SH3RF2: variants seen among roughly 807,000 people sequenced by gnomAD.
SH3RF2 encodes SH3 domain containing ring finger 2, also known as E3 ubiquitin-protein ligase SH3RF2.
In SH3RF2, 43 loss-of-function variants were observed where a neutral mutation model predicts 59.0. The observed-to-expected ratio is 0.73, with a 90% confidence interval of 0.57 to 0.94. The LOEUF is 0.94. Among genes scored for constraint, SH3RF2 ranks in the 40% least tolerant of loss-of-function variants. The probability of loss-of-function intolerance (pLI) is 0.00; values close to 1 mark genes in which losing one functional copy is unlikely to be tolerated. For missense variants in SH3RF2, 930 were observed against 940.1 expected (o/e 0.99, Z 0.14); for synonymous variants, 391 against 391.5 (o/e 1.00, Z 0.01).
chr5:146,052,883 C>G (rs1405598925), intron 7 of SH3RF2, among the ~76,000 whole-genome samples: 2 of 152,162 alleles, frequency 1.3e-5, no homozygotes, highest in Non-Finnish European at 2.9e-5. Context: ...GCTACATGTG[C>G]TAGGCCCCTT....
At chr5:146,064,842 AAGAAAGAAAGAAAGAAAGAAAG>A (rs1255364625), downstream of SH3RF2, among the ~76,000 whole-genome samples, 751 of 17,002 alleles carry the variant, frequency 0.044, 39 homozygotes, top group Non-Finnish European at 0.26. Context: ...GAAAGAAAGA[AAGAAAGAAAGAAAGAAAGAAAG>A]AGAAAGAAAA....
intron 8 of SH3RF2, among the ~76,000 whole-genome samples, chr5:146,057,657 G>A (rs891728816): frequency 5.9e-5 from 9 of 152,104 alleles, no homozygotes; most frequent in African/African-American, 1.7e-4. Context: ...GTTCATACAC[G>A]GCTGAATGTG....
chr5:145,958,583 G>A (rs140833389), intron 2 of SH3RF2, among the ~76,000 whole-genome samples: 348 of 152,304 alleles, frequency 2.3e-3, no homozygotes, highest in African/African-American at 7.7e-3. Context: ...GGTGCTGAGA[G>A]ATTTAAAGGG....
intron 7 of SH3RF2, chr5:146,055,684 A>C: frequency 2.6e-6 from 1 of 384,312 alleles, no homozygotes; most frequent in Non-Finnish European, 4.7e-6. Flanking sequence ...GGGGTGAGGA[A>C]TGATCAGAAC....
intron 2 of SH3RF2, among the ~76,000 whole-genome samples, chr5:145,957,577 T>G (rs1179349232): frequency 6.6e-6 from 1 of 152,128 alleles, no homozygotes; most frequent in African/African-American, 2.4e-5. Context: ...TCTATTCCCA[T>G]TTTACAGATA....
chr5:146,062,261 A>G (rs531916121), intron 9 of SH3RF2, among the ~76,000 whole-genome samples, 165 bp from the exon 10 acceptor site: 37 of 152,242 alleles, frequency 2.4e-4, no homozygotes, highest in Non-Finnish European at 4.1e-4. Flanking sequence ...GCTCCTCTGC[A>G]TTCTCAGCAT....
chr5:146,039,953 T>C (rs146134303), intron 5 of SH3RF2, among the ~76,000 whole-genome samples: 1 of 152,346 alleles, frequency 6.6e-6, no homozygotes, highest in African/African-American at 2.4e-5. Context: ...GAAAACTTCC[T>C]GTTAAGCAAA....
At chr5:145,997,213 A>C in intron 2 of SH3RF2, 1 of 847,788 alleles carries the variant, frequency 1.2e-6, no homozygotes, top group Non-Finnish European at 2.0e-6. Context: ...TCACCCTGCT[A>C]GTAGATGGGA....
intron 2 of SH3RF2, among the ~76,000 whole-genome samples, chr5:145,992,632 G>A (rs1759988045): frequency 6.6e-6 from 1 of 151,740 alleles, no homozygotes; most frequent in East Asian, 1.9e-4. Context: ...ATCTTACATG[G>A]ATGACAGCAG....
chr5:146,072,606 G>T (rs1368094712), intron 9 of SH3RF2, among the ~76,000 whole-genome samples: 1 of 152,098 alleles, frequency 6.6e-6, no homozygotes, highest in Non-Finnish European at 1.5e-5. Context: ...GGGAGGCAGA[G>T]GTTGCAGTGA....
intron 2 of SH3RF2, among the ~76,000 whole-genome samples, chr5:145,958,155 T>C (rs1052959233): frequency 2.6e-5 from 4 of 151,624 alleles, no homozygotes; most frequent in African/African-American, 9.7e-5. Flanking sequence ...AAAAAACCTG[T>C]GTTTGAATCC....
chr5:146,019,778 A>T (rs997554641), intron 5 of SH3RF2, among the ~76,000 whole-genome samples: 6 of 152,144 alleles, frequency 3.9e-5, no homozygotes, highest in African/African-American at 7.2e-5. Context: ...TATTTCTTTC[A>T]ACAGTGTTTT....
chr5:146,000,727 C>G (rs1004409217), intron 3 of SH3RF2, among the ~76,000 whole-genome samples: 1 of 152,174 alleles, frequency 6.6e-6, no homozygotes, highest in African/African-American at 2.4e-5. Flanking sequence ...TAGATACAAT[C>G]ACTGTCAACA....
chr5:146,058,904 G>T (rs1762777489), intron 8 of SH3RF2, among the ~76,000 whole-genome samples: 1 of 150,494 alleles, frequency 6.6e-6, no homozygotes. Context: ...GAAAAACAAT[G>T]AGCTCAGGAA....
chr5:146,055,899 T>C, intron 7 of SH3RF2, 82 bp from the exon 8 acceptor site: 1 of 1,458,300 alleles, frequency 6.9e-7, no homozygotes, highest in African/African-American at 1.4e-5. Context: ...GGTTGGGAGC[T>C]GATAGGTTTT....
At chr5:145,960,989 G>A (rs1036367703) in intron 2 of SH3RF2, among the ~76,000 whole-genome samples, 4 of 152,164 alleles carry the variant, frequency 2.6e-5, no homozygotes, top group Non-Finnish European at 2.9e-5. Flanking sequence ...ATAGCAGCAA[G>A]CAGCTGATGG....
chr5:146,067,381 C>T (rs911218920), downstream of SH3RF2, among the ~76,000 whole-genome samples: 2 of 152,220 alleles, frequency 1.3e-5, no homozygotes, highest in Admixed American at 1.3e-4. Context: ...CACTCACCCA[C>T]GTGACCTGCC....
chr5:146,005,384 C>A (rs929852056), intron 4 of SH3RF2, among the ~76,000 whole-genome samples: 3 of 152,156 alleles, frequency 2.0e-5, no homozygotes, highest in African/African-American at 7.2e-5. Flanking sequence ...AAGTAAAAGG[C>A]GTGCTGTCCA....
intron 7 of SH3RF2, among the ~76,000 whole-genome samples, chr5:146,055,303 C>T (rs1344524661): frequency 6.6e-6 from 1 of 152,194 alleles, no homozygotes; most frequent in East Asian, 1.9e-4. Context: ...GGGCAACCAA[C>T]TGTATAAGTC....
Sources: allele counts gnomAD v4.1 joint callset (sites outside exome capture counted in the v4.1 genomes callset), GRCh38; gene constraint gnomAD v4.1.1; transcripts MANE v1.5; gene names NCBI Gene and HGNC (gene_info 2026-07-23, HGNC 2026-07-21).